The following TDP2 variants were observed in gnomAD, a reference collection of about 807,000 sequenced individuals.
The protein encoded by TDP2 is 5'-Tyr-DNA phosphodiesterase.
TDP2 carries 38 observed loss-of-function variants against 42.8 expected under a neutral mutation model. The ratio of observed to expected loss-of-function variants is 0.89; its 90% CI spans 0.68 to 1.16. TDP2 has a LOEUF of 1.16. TDP2 is among the 50% of genes most tolerant of loss of function. TDP2 has a pLI of 0.00. For synonymous variants in TDP2, 173 were observed against 150.6 expected, an observed-to-expected ratio of 1.15 and a Z score of -1.09; for missense variants, 439 against 439.3, an observed-to-expected ratio of 1.00 and a Z score of 0.01.
intron 2 of TDP2, among the ~76,000 whole-genome samples, chr6:24,661,621 A>C (rs966298871): frequency 3.3e-5 from 5 of 152,224 alleles, no homozygotes; most frequent in Non-Finnish European, 5.9e-5. Context: ...AATTGTATTT[A>C]AAGGCCATGA....
Position 24,650,378 on chromosome 6 carries a change from A to T in TDP2, c.*410T>A, listed in dbSNP as rs1212616852. Reference sequence around the variant, plus strand: ...TTTTCATTTAAGATGATCTGAACTTATGAAATAAAGGATCCAGTCCCAAGA... The same window carrying T: ...TTTTCATTTAAGATGATCTGAACTTTTGAAATAAAGGATCCAGTCCCAAGA... On this transcript the variant is annotated 3_prime_UTR_variant, in exon 7 of 7. Coordinates refer to ENST00000378198, the MANE Select transcript of TDP2 (RefSeq NM_016614.3). 1 of 164,768 alleles carries T rather than the reference A, an allele frequency of 6.1e-6. No individual in the cohort carries two copies. The highest frequency in any genetic ancestry group is 1.8e-4 in the East Asian group (1 of 5,596). 10.2% of individuals were successfully genotyped at this position (164,768 alleles called of 1,614,324 possible). A position where few individuals can be genotyped will look rare whatever the true frequency, so the allele number is the denominator to read the frequency against.
At chr6:24,655,775 C>T (rs1056598837) in intron 4 of TDP2, among the ~76,000 whole-genome samples, 1 of 152,118 alleles carries the variant, frequency 6.6e-6, no homozygotes. Flanking sequence ...GTCCCAACAC[C>T]CAGAAGGCAG....
At chr6:24,651,113 G>C in intron 6 of TDP2, 44 bp from the exon 7 acceptor site, 1 of 1,329,052 alleles carries the variant, frequency 7.5e-7, no homozygotes, top group Non-Finnish European at 9.9e-7. Context: ...ATAGCCTTTT[G>C]CCCACTAACT....
Position 24,660,632 on chromosome 6 carries a change from T to G in TDP2, c.252-1898A>C, listed in dbSNP as rs574297277. On this transcript the variant is annotated intron_variant, in intron 2 of 6. Coordinates refer to ENST00000378198, the MANE Select transcript of TDP2 (RefSeq NM_016614.3). ...ACAAGTCAGAAGATTATCATTGATA[T>G]AAGTTTTTCTTTTTCTTATTGCCTC... is the stretch of plus-strand genomic sequence containing the variant. Among the ~76,000 whole-genome samples the G allele has an allele frequency of 5.9e-5, 9 of 152,358 alleles. No homozygotes were observed. The South Asian group carries it at 1.7e-3, about 28-fold the overall frequency.
chr6:24,660,756 CTCTTT>C (rs937972951), intron 2 of TDP2, among the ~76,000 whole-genome samples: 3 of 152,146 alleles, frequency 2.0e-5, no homozygotes, highest in Non-Finnish European at 4.4e-5. Flanking sequence ...GATGGCATGT[CTCTTT>C]TAATTTTCTT....
intron 2 of TDP2, among the ~76,000 whole-genome samples, chr6:24,665,653 A>G (rs1336298400): frequency 6.6e-6 from 1 of 152,228 alleles, no homozygotes; most frequent in Non-Finnish European, 1.5e-5. Flanking sequence ...AATGTACAAA[A>G]CAGATACTCC....
In TDP2 at chr6:24,660,281, C is replaced by T. The variant is rs569371407; in HGVS notation, c.252-1547G>A. Among the ~76,000 whole-genome samples the T allele has an allele frequency of 3.7e-4, 56 of 152,264 alleles. No homozygotes were observed. In the South Asian group the frequency reaches 0.011, roughly 30 times the overall value. Reference sequence around the variant, plus strand: ...CAGTTATGCACCACATTTGGAGAAGCGTGTCATTAGGTGATTTCATCATTA... The same window carrying T: ...CAGTTATGCACCACATTTGGAGAAGTGTGTCATTAGGTGATTTCATCATTA... On this transcript the variant is annotated intron_variant, in intron 2 of 6. Transcript: ENST00000378198.
chr6:24,661,873 T>A (rs966058847), intron 2 of TDP2, among the ~76,000 whole-genome samples: 1 of 152,082 alleles, frequency 6.6e-6, no homozygotes, highest in Admixed American at 6.6e-5. Flanking sequence ...GAGGAAGACA[T>A]AAGAAACTCC....
chr6:24,651,132 A>T, intron 6 of TDP2, 63 bp from the exon 7 acceptor site: 1 of 1,351,168 alleles, frequency 7.4e-7, no homozygotes, highest in Non-Finnish European at 1.0e-6. Context: ...CTTAAAAAAA[A>T]AAAAAAAAAG....
intron 6 of TDP2, 38 bp from the exon 7 acceptor site, chr6:24,651,107 C>A: frequency 1.4e-6 from 2 of 1,451,926 alleles, no homozygotes; most frequent in Non-Finnish European, 9.2e-7. Flanking sequence ...ATACACATAG[C>A]CTTTTGCCCA....
At chr6:24,660,352 A>C (rs1398018611) in intron 2 of TDP2, among the ~76,000 whole-genome samples, 2 of 152,200 alleles carry the variant, frequency 1.3e-5, no homozygotes, top group Non-Finnish European at 2.9e-5. Context: ...ATGGTACAAC[A>C]GCCTCCTACA....
At chr6:24,665,110 G>A (rs573645945) in intron 2 of TDP2, among the ~76,000 whole-genome samples, 2 of 152,268 alleles carry the variant, frequency 1.3e-5, no homozygotes, top group East Asian at 3.9e-4. Flanking sequence ...CATGTTTAAG[G>A]AAGGGCAGTT....
At chr6:24,664,636 GT>G (rs929010034) in intron 2 of TDP2, among the ~76,000 whole-genome samples, 3 of 152,094 alleles carry the variant, frequency 2.0e-5, no homozygotes, top group Non-Finnish European at 4.4e-5. Flanking sequence ...GCAGGGTTGA[GT>G]TTTTCTGGTC....
At chr6:24,665,055 T>C (rs955384326) in intron 2 of TDP2, among the ~76,000 whole-genome samples, 15 of 152,296 alleles carry the variant, frequency 9.8e-5, no homozygotes, top group Middle Eastern at 6.8e-3. Flanking sequence ...CAGGAGAATT[T>C]ATAAGGAAAC....
chr6:24,654,860 G>T (rs1778038767), intron 4 of TDP2, among the ~76,000 whole-genome samples: 2 of 152,052 alleles, frequency 1.3e-5, no homozygotes, highest in Admixed American at 1.3e-4. Context: ...GACCAAAATG[G>T]AGAAACCCTG....
At chr6:24,664,087 A>G (rs1054121845) in intron 2 of TDP2, among the ~76,000 whole-genome samples, 4 of 152,178 alleles carry the variant, frequency 2.6e-5, no homozygotes, top group Non-Finnish European at 5.9e-5. Context: ...TTTTGTCAGT[A>G]TATCTGGTGT....
At chr6:24,664,394 C>T (rs920235422) in intron 2 of TDP2, among the ~76,000 whole-genome samples, 1 of 150,106 alleles carries the variant, frequency 6.7e-6, no homozygotes, top group African/African-American at 2.5e-5. Context: ...AAATTAGAAT[C>T]TCTGGTTTTT....
intron 4 of TDP2, among the ~76,000 whole-genome samples, chr6:24,655,368 A>G (rs1316873119): frequency 2.0e-5 from 3 of 152,192 alleles, no homozygotes; most frequent in Admixed American, 6.5e-5. Context: ...AAACCACTTG[A>G]GTGACTGTAG....
intron 2 of TDP2, among the ~76,000 whole-genome samples, chr6:24,662,761 C>T (rs919237194): frequency 1.3e-5 from 2 of 152,190 alleles, no homozygotes; most frequent in African/African-American, 2.4e-5. Context: ...AAGAGAAATA[C>T]CCACAGGTGT....
Sources: gnomAD v4.1 joint callset for allele counts (sites outside exome capture counted in the v4.1 genomes callset) on GRCh38, gnomAD v4.1.1 for gene constraint, MANE v1.5 for transcripts, NCBI Gene and HGNC (gene_info 2026-07-23, HGNC 2026-07-21) for gene names.